Variants in SLC7A14 observed in about 807,000 individuals in gnomAD.
SLC7A14 encodes the protein gamma-aminobutyric acid transporter SLC7A14.
SLC7A14 carries 37 observed loss-of-function variants against 60.2 expected under a neutral mutation model. The ratio of observed to expected loss-of-function variants is 0.61; its 90% CI spans 0.47 to 0.81. SLC7A14 has a LOEUF of 0.81. SLC7A14 is among the 30% of genes least tolerant of loss of function. SLC7A14 has a pLI of 0.00. For synonymous variants in SLC7A14, 399 were observed against 395.8 expected (o/e 1.01, Z -0.10); for missense variants, 886 against 982.7 (o/e 0.90, Z 1.32).
At chr3:170,516,092 A>G (rs933687154) in intron 2 of SLC7A14, among the ~76,000 whole-genome samples, 14 of 152,194 alleles carry the variant, frequency 9.2e-5, no homozygotes, top group Admixed American at 7.2e-4. Flanking sequence ...GCTTTGCTGG[A>G]GGAAACTCAT....
Position 170,501,182 on chromosome 3 carries a change from G to A in SLC7A14, c.468C>T (p.Ser156=), listed in dbSNP as rs376520889. 2.5e-6 allele frequency: 4 copies of A among 1,614,232 alleles called. No individual in the cohort carries two copies. The highest frequency in any genetic ancestry group is 1.3e-5 in the African/African-American group (1 of 75,058). ...TGTGGTTGGCTAGTGAGTCAAACAT[G>A]CTGCTCAGAGCACTGGCTCCGGCCG... ...GTAAGASALS[S]MFDSLANHTI... The change falls in exon 3 of 8, where the codon AGC becomes AGT. Residue 156 remains serine (S), a synonymous_variant. Coordinates refer to ENST00000231706, the MANE Select transcript of SLC7A14 (RefSeq NM_020949.3).
chr3:170,483,747 ACTCT>A (rs1165267672), intron 5 of SLC7A14, among the ~76,000 whole-genome samples: 1 of 152,082 alleles, frequency 6.6e-6, no homozygotes. Context: ...TGGGCCAGAA[ACTCT>A]CTATCTCTCT....
At chr3:170,539,801 C>T (rs1203816947) in intron 1 of SLC7A14, among the ~76,000 whole-genome samples, 1 of 152,120 alleles carries the variant, frequency 6.6e-6, no homozygotes, top group African/African-American at 2.4e-5. Flanking sequence ...GCATATAGTA[C>T]TGAATCTTAT....
intron 1 of SLC7A14, among the ~76,000 whole-genome samples, chr3:170,533,924 G>A (rs895380730): frequency 1.3e-5 from 2 of 152,174 alleles, no homozygotes; most frequent in Admixed American, 1.3e-4. Context: ...TGTATGTGGA[G>A]TCTCAGACAC....
intron 2 of SLC7A14, among the ~76,000 whole-genome samples, chr3:170,506,212 A>C (rs1392214454): frequency 1.3e-5 from 2 of 152,228 alleles, no homozygotes. Flanking sequence ...TAAGTCCTTG[A>C]GAAATATAAA....
At chr3:170,573,096 G>A (rs572527551) in intron 1 of SLC7A14, among the ~76,000 whole-genome samples, 6 of 152,174 alleles carry the variant, frequency 3.9e-5, no homozygotes, top group Non-Finnish European at 7.3e-5. Flanking sequence ...TCAAATGTCA[G>A]GGTCCACACA....
chr3:170,550,285 G>A (rs1018406378), intron 1 of SLC7A14, among the ~76,000 whole-genome samples: 5 of 152,134 alleles, frequency 3.3e-5, no homozygotes, highest in Admixed American at 2.0e-4. Context: ...CAATTAATTT[G>A]TAGTAAAAAA....
At chr3:170,557,790 GGTATATA>G (rs1459511774) in intron 1 of SLC7A14, among the ~76,000 whole-genome samples, 3 of 152,118 alleles carry the variant, frequency 2.0e-5, no homozygotes, top group Non-Finnish European at 4.4e-5. Flanking sequence ...GAAAATGCAG[GGTATATA>G]GTAAGCATTA....
intron 2 of SLC7A14, among the ~76,000 whole-genome samples, chr3:170,522,594 A>T (rs912493457): frequency 1.3e-5 from 2 of 152,244 alleles, no homozygotes; most frequent in Non-Finnish European, 2.9e-5. Context: ...GGGCAAACCG[A>T]TAGGGACTGA....
intron 4 of SLC7A14, among the ~76,000 whole-genome samples, chr3:170,488,302 CT>C (rs1332000675): frequency 6.6e-6 from 1 of 152,144 alleles, no homozygotes; most frequent in Non-Finnish European, 1.5e-5. Flanking sequence ...TAGATGGCTA[CT>C]TTCCAGAAGA....
intron 7 of SLC7A14, among the ~76,000 whole-genome samples, chr3:170,474,951 A>C (rs1711567367): frequency 6.6e-6 from 1 of 152,232 alleles, no homozygotes; most frequent in Admixed American, 6.5e-5. Flanking sequence ...GGCCCGAAGG[A>C]TGCCCTGGAA....
chr3:170,486,334 A>G lies in SLC7A14; in HGVS notation c.794T>C (p.Phe265Ser), dbSNP rs751663212. 3.7e-6 allele frequency: 6 copies of G among 1,614,130 alleles called. No homozygotes were observed. Among genetic ancestry groups the G allele is most frequent in the Non-Finnish European group, 5.1e-6 (6 of 1,180,054 alleles). ...LQGAATCFYA[F>S]IGFDIIATTG... is the part of the protein sequence containing the mutation. ...GGTGGCGATGATGTCAAAGCCAATGAAAGCGTAGAAGCATGTTGCTGCTCC... is the reference window on the plus strand; with the variant it reads ...GGTGGCGATGATGTCAAAGCCAATGGAAGCGTAGAAGCATGTTGCTGCTCC... The change falls in exon 5 of 8, where the codon TTC becomes TCC. Residue 265 changes from phenylalanine (F) to serine (S), a missense_variant. Physicochemically the swap from Phe to Ser is radical, Grantham distance 155 (BLOSUM62 -2). Transcript: ENST00000231706.
At chr3:170,495,661 G>T in intron 4 of SLC7A14, 1 of 851,068 alleles carries the variant, frequency 1.2e-6, no homozygotes, top group Non-Finnish European at 2.1e-6. Flanking sequence ...AGCCTGCTGA[G>T]CCCTGTTAAC....
intron 7 of SLC7A14, among the ~76,000 whole-genome samples, chr3:170,472,508 G>A (rs576292273): frequency 1.1e-3 from 171 of 152,294 alleles, no homozygotes; most frequent in Non-Finnish European, 1.7e-3. Context: ...GCTCACGCCT[G>A]TAATCCCAGC....
At chr3:170,481,722 AG>A (rs759920080) in intron 6 of SLC7A14, among the ~76,000 whole-genome samples, 49 of 152,086 alleles carry the variant, frequency 3.2e-4, no homozygotes, top group Non-Finnish European at 3.7e-4. Context: ...TTTAAGGCAA[AG>A]TTCTTTAGTA....
At chr3:170,528,653 A>G (rs982789095) in intron 1 of SLC7A14, among the ~76,000 whole-genome samples, 3 of 152,200 alleles carry the variant, frequency 2.0e-5, no homozygotes, top group Non-Finnish European at 2.9e-5. Context: ...TAGCTTTGAC[A>G]GTGTGGCTTC....
intron 1 of SLC7A14, among the ~76,000 whole-genome samples, chr3:170,528,264 T>C (rs1278358844): frequency 6.6e-6 from 1 of 152,194 alleles, no homozygotes; most frequent in Admixed American, 6.5e-5. Context: ...CTGATAGAAT[T>C]AAGAACTACA....
rs1739572145 is a variant in SLC7A14 at position 170,460,387 on chromosome 3, C to T, written c.*6668G>A. 6.6e-6 allele frequency: 1 copy of T among 152,192 alleles called. No individual in the cohort carries two copies. Among genetic ancestry groups the T allele is most frequent in the South Asian group, 2.1e-4 (1 of 4,826 alleles). The allele number at this position is 152,192 out of a possible 1,614,324, so 9.4% of individuals were successfully genotyped here. ...AGCTGCTCTCTTAAAAACCTGCAGC[C>T]CCCTCTCTCAGCCCAGACAGTTGAG... On this transcript the variant is annotated 3_prime_UTR_variant, in exon 8 of 8. Coordinates refer to ENST00000231706, the MANE Select transcript of SLC7A14 (RefSeq NM_020949.3).
chr3:170,550,512 A>ATTTCTTTTTTTTTTTTTTTT (rs1714312769), intron 1 of SLC7A14, among the ~76,000 whole-genome samples: 1 of 60,602 alleles, frequency 1.7e-5, no homozygotes, highest in Non-Finnish European at 2.8e-5. Context: ...CTTTCCTTGA[A>ATTTCTTTTTTTTTTTTTTTT]TTTTTTTTTT....
Sources: gnomAD v4.1 joint callset for allele counts (sites outside exome capture counted in the v4.1 genomes callset) on GRCh38, gnomAD v4.1.1 for gene constraint, MANE v1.5 for transcripts, NCBI Gene and HGNC (gene_info 2026-07-23, HGNC 2026-07-21) for gene names.